TMEM179: variants seen among roughly 807,000 people sequenced by gnomAD.
TMEM179 encodes the protein transmembrane protein 179A.
TMEM179 carries 17 observed loss-of-function variants against 22.2 expected under a neutral mutation model. The observed-to-expected ratio is 0.77, with a 90% confidence interval of 0.52 to 1.15. The LOEUF is 1.15. Among genes scored for constraint, TMEM179 ranks in the 50% most tolerant of loss-of-function variants. The pLI is 0.00. For missense variants in TMEM179, 265 were observed against 313.6 expected, an observed-to-expected ratio of 0.84 and a Z score of 1.17; for synonymous variants, 127 against 140.5, an observed-to-expected ratio of 0.90 and a Z score of 0.68.
Position 104,595,117 on chromosome 14 carries a change from G to C in TMEM179, c.522+48C>G, listed in dbSNP as rs747687816. The C allele has an allele frequency of 5.6e-6, 9 of 1,611,774 alleles. No individual in the cohort carries two copies. The highest frequency in any genetic ancestry group is 4.2e-6 in the Non-Finnish European group (5 of 1,179,094). On this transcript the variant is annotated intron_variant, in intron 3 of 3. Coordinates refer to ENST00000556573, the MANE Select transcript of TMEM179 (RefSeq NM_001286389.2). The surrounding 1 kb of genome is among the most constrained non-coding windows in gnomAD (Gnocchi z 5.7). ...CTCAGCAAATGTCCAGCAGTAAATG[G>C]CCCCCTCCCAGCATTGCAAGCCTCC... is the stretch of plus-strand genomic sequence containing the variant.
rs1349625179 is a variant in TMEM179, at chr14:104,590,990, C to CG, written c.*2488dup. On this transcript the variant is annotated 3_prime_UTR_variant, in exon 4 of 4. Transcript: ENST00000556573. Reference sequence around the variant, plus strand: ...CTTGGTGGACCAGCCTCAGGAACCCCGGGTCATGCCTGCACTTCCCACCTT... The same window carrying CG: ...CTTGGTGGACCAGCCTCAGGAACCCCGGGGTCATGCCTGCACTTCCCACCTT... 1 of 186,022 alleles carries CG rather than the reference C, an allele frequency of 5.4e-6. No individual in the cohort carries two copies. The highest frequency in any genetic ancestry group is 1.1e-5 in the Non-Finnish European group (1 of 88,124). The allele number at this position is 186,022 out of a possible 1,614,324, so 11.5% of individuals were successfully genotyped here. A position where few individuals can be genotyped will look rare whatever the true frequency, so the allele number is the denominator to read the frequency against.
In TMEM179 at chr14:104,592,272, T is replaced by C. The variant is rs3809460; in HGVS notation, c.*1207A>G. 128,264 of 153,890 alleles carry C rather than the reference T, an allele frequency of 0.83. 54,433 individuals are homozygous for C. The highest frequency in any genetic ancestry group is 0.91 in the Middle Eastern group (275 of 302). 9.5% of individuals were successfully genotyped at this position (153,890 alleles called of 1,614,324 possible). On this transcript the variant is annotated 3_prime_UTR_variant, in exon 4 of 4. Coordinates refer to ENST00000556573, the MANE Select transcript of TMEM179 (RefSeq NM_001286389.2). ...CCTAGACACTCACACCTACACACTC[T>C]TCCTCACACTCACATGCATGCACAC... is the stretch of plus-strand genomic sequence containing the variant.
chr14:104,600,417 G>C (rs929822700), intron 1 of TMEM179, among the ~76,000 whole-genome samples: 4 of 152,238 alleles, frequency 2.6e-5, no homozygotes, highest in African/African-American at 7.2e-5. Context: ...AGGCAGATGA[G>C]TTTAACGCAG....
chr14:104,603,895 G>C (rs960983076), intron 1 of TMEM179, among the ~76,000 whole-genome samples: 1 of 152,186 alleles, frequency 6.6e-6, no homozygotes, highest in Non-Finnish European at 1.5e-5. Flanking sequence ...CACAGCCCTC[G>C]CCCTGCAGTC....
At chr14:104,600,833 T>C (rs1459484268) in intron 1 of TMEM179, among the ~76,000 whole-genome samples, 1 of 152,214 alleles carries the variant, frequency 6.6e-6, no homozygotes, top group African/African-American at 2.4e-5. Context: ...ACGTGCCATG[T>C]GCCCCTCAAA....
At position 104,604,480 on chromosome 14, in the gene TMEM179, G is replaced by T. The variant is rs1429891740; in HGVS notation, c.262C>A (p.His88Asn). The change falls in exon 1 of 4, where the codon CAC becomes AAC. Residue 88 changes from histidine to asparagine, a missense_variant. By Grantham distance (68) the His-to-Asn change is moderately conservative. Transcript: ENST00000556573. This position sits in a 1 kb window ranked among gnomAD's most constrained non-coding sequence, Gnocchi z 4.6. ...SLLSLLLAAAHAWRTLFFLCK... is the reference protein window; with the variant it reads ...SLLSLLLAAANAWRTLFFLCK... Reference sequence around the variant, plus strand: ...AGGAAGAAGAGCGTGCGCCAGGCGTGCGCGGCGGCCAGCAGCAGAGACAGG... The same window carrying T: ...AGGAAGAAGAGCGTGCGCCAGGCGTTCGCGGCGGCCAGCAGCAGAGACAGG... 1 of 1,582,196 alleles carries T rather than the reference G, an allele frequency of 6.3e-7. No individual in the cohort carries two copies. The highest frequency in any genetic ancestry group is 1.8e-5 in the Admixed American group (1 of 56,376).
In TMEM179 at chr14:104,592,628, CCA is replaced by C. The variant is rs1295311792; in HGVS notation, c.*849_*850del. On this transcript the variant is annotated 3_prime_UTR_variant, in exon 4 of 4. Transcript: ENST00000556573. ...TGCAGTCACACCTGCACTGTCACAC[CCA>C]CACATGCACACTCAGTCACATCCTC... 1.3e-5 allele frequency: 2 copies of C among 154,658 alleles called. No individual in the cohort carries two copies. The highest frequency in any genetic ancestry group is 2.9e-5 in the Non-Finnish European group (2 of 69,474). The allele number at this position is 154,658 out of a possible 1,614,324, so 9.6% of individuals were successfully genotyped here. A position where few individuals can be genotyped will look rare whatever the true frequency, so the allele number is the denominator to read the frequency against.
intron 1 of TMEM179, among the ~76,000 whole-genome samples, chr14:104,603,615 GTGGTAGATGGGC>G (rs1887316600): frequency 6.8e-6 from 1 of 146,670 alleles, no homozygotes. Flanking sequence ...ATTCACAGAG[GTGGTAGATGGGC>G]TCACAGAGGG....
chr14:104,604,502 C>G lies in TMEM179; in HGVS notation c.240G>C (p.Leu80=), dbSNP rs1284373204. 1.3e-6 allele frequency: 2 copies of G among 1,574,910 alleles called. No homozygotes were observed. The highest frequency in any genetic ancestry group is 8.6e-7 in the Non-Finnish European group (1 of 1,162,746). The change falls in exon 1 of 4, where the codon CTG becomes CTC. Residue 80 remains leucine (L), a synonymous_variant. Transcript: ENST00000556573. This position sits in a 1 kb window ranked among gnomAD's most constrained non-coding sequence, Gnocchi z 4.6. ...CGTGCGCGGCGGCCAGCAGCAGAGA[C>G]AGGAGGCTGGCGAGCAGGCTGAAGC... ...ACRFSLLASL[L]SLLLAAAHAW...
rs1596294141 is a variant in TMEM179 at position 104,591,547 on chromosome 14, T to C, written c.*1932A>G. ...CCTGGCTGCCAGCTGGAAACTCAGCTGGTCCCCAAGGCCAGAGCCCCCTTG... is the reference window on the plus strand; with the variant it reads ...CCTGGCTGCCAGCTGGAAACTCAGCCGGTCCCCAAGGCCAGAGCCCCCTTG... On this transcript the variant is annotated 3_prime_UTR_variant, in exon 4 of 4. Coordinates refer to ENST00000556573, the MANE Select transcript of TMEM179 (RefSeq NM_001286389.2). 1 of 391,050 alleles carries C rather than the reference T, an allele frequency of 2.6e-6. No individual in the cohort carries two copies. Among genetic ancestry groups the C allele is most frequent in the East Asian group, 7.4e-5 (1 of 13,494 alleles). 24.2% of individuals were successfully genotyped at this position (391,050 alleles called of 1,614,324 possible).
rs1469265927 is a variant in TMEM179 at position 104,595,101 on chromosome 14, T to C, written c.522+64A>G. ...TCTGGATGGGGGAGAGCTCAGCAAA[T>C]GTCCAGCAGTAAATGGCCCCCTCCC... On this transcript the variant is annotated intron_variant, in intron 3 of 3. Coordinates refer to ENST00000556573, the MANE Select transcript of TMEM179 (RefSeq NM_001286389.2). This position sits in a 1 kb window ranked among gnomAD's most constrained non-coding sequence, Gnocchi z 5.7. The C allele has an allele frequency of 7.5e-6, 12 of 1,609,516 alleles. No individual in the cohort carries two copies. Among genetic ancestry groups the C allele is most frequent in the Admixed American group, 3.4e-5 (2 of 59,626 alleles).
At position 104,595,157 on chromosome 14, in the gene TMEM179, C is replaced by G. The variant is rs201746138; in HGVS notation, c.522+8G>C. 1.2e-6 allele frequency: 2 copies of G among 1,613,740 alleles called. No homozygotes were observed. The highest frequency in any genetic ancestry group is 1.7e-6 in the Non-Finnish European group (2 of 1,179,948). On this transcript the variant is annotated splice_region_variant and intron_variant, in intron 3 of 3. Coordinates refer to ENST00000556573, the MANE Select transcript of TMEM179 (RefSeq NM_001286389.2). This position sits in a 1 kb window ranked among gnomAD's most constrained non-coding sequence, Gnocchi z 5.7. The stretch of plus-strand genomic sequence containing the variant: ...TGCAAGCCTCCCTTCTTGCCCAGAG[C>G]CCCCTACCTGGGCAATTGCAAACTG...
At chr14:104,594,289 C>T (rs954513604) in intron 3 of TMEM179, 2 of 1,231,624 alleles carry the variant, frequency 1.6e-6, no homozygotes, top group Non-Finnish European at 2.0e-6. Flanking sequence ...CATTCAGGCC[C>T]ACCCATGTCC....
chr14:104,594,801 C>T lies in TMEM179; in HGVS notation c.522+364G>A, dbSNP rs891932689. On this transcript the variant is annotated intron_variant, in intron 3 of 3. Coordinates refer to ENST00000556573, the MANE Select transcript of TMEM179 (RefSeq NM_001286389.2). The stretch of plus-strand genomic sequence containing the variant: ...TCTGAACAGGCCCACCCAGCGCCAG[C>T]ACCAAAGTCCAAAGCCCTTGTCCCT... 2.4e-6 allele frequency: 3 copies of T among 1,224,556 alleles called. No homozygotes were observed. In the African/African-American group the frequency reaches 4.7e-5, roughly 19 times the overall value. The allele number at this position is 1,224,556 out of a possible 1,614,324, so 75.9% of individuals were successfully genotyped here.
At chr14:104,594,285 G>A in intron 3 of TMEM179, 1 of 1,231,748 alleles carries the variant, frequency 8.1e-7, no homozygotes, top group African/African-American at 1.5e-5. Flanking sequence ...AGAGCATTCA[G>A]GCCCACCCAT....
intron 2 of TMEM179, 29 bp downstream of exon 2, chr14:104,596,961 G>GGGGCC (rs769403069): frequency 4.4e-6 from 7 of 1,593,098 alleles, no homozygotes; most frequent in African/African-American, 1.3e-5. Context: ...GGAGGTGGGC[G>GGGGCC]GAGGCCGAGG....
intron 1 of TMEM179, among the ~76,000 whole-genome samples, chr14:104,602,959 CCT>C (rs2140499762): frequency 6.6e-6 from 1 of 152,294 alleles, no homozygotes; most frequent in Admixed American, 6.5e-5. Flanking sequence ...AGGATATCTC[CCT>C]GAGTTTAGAG....
chr14:104,595,278 C>T lies in TMEM179; in HGVS notation c.444-35G>A, dbSNP rs1284082186. The T allele has an allele frequency of 6.3e-7, 1 of 1,595,732 alleles. No individual in the cohort carries two copies. The highest frequency in any genetic ancestry group is 8.6e-7 in the Non-Finnish European group (1 of 1,168,120). On this transcript the variant is annotated intron_variant, in intron 2 of 3. Coordinates refer to ENST00000556573, the MANE Select transcript of TMEM179 (RefSeq NM_001286389.2). This position sits in a 1 kb window ranked among gnomAD's most constrained non-coding sequence, Gnocchi z 5.7. ...CAGGACATAGGGTGGAGGGTGACCA[C>T]CAGGACAGCCAGTGCGGGACATGGC...
intron 1 of TMEM179, among the ~76,000 whole-genome samples, chr14:104,598,279 CG>C (rs2140490311): frequency 6.6e-6 from 1 of 152,312 alleles, no homozygotes; most frequent in African/African-American, 2.4e-5. Flanking sequence ...GACTTCCTCA[CG>C]GGCGGACACC....
Sources: gnomAD v4.1 joint callset for allele counts (sites outside exome capture counted in the v4.1 genomes callset) on GRCh38, gnomAD v4.1.1 for gene constraint, Gnocchi (gnomAD v3.1) non-coding constraint, MANE v1.5 for transcripts, NCBI Gene and HGNC (gene_info 2026-07-23, HGNC 2026-07-21) for gene names.